The following TMEM184B variants were observed in gnomAD, a reference collection of about 807,000 sequenced individuals.
The protein encoded by TMEM184B is transmembrane protein 184B.
In TMEM184B, 17 loss-of-function variants were observed where a neutral mutation model predicts 41.8. The ratio of observed to expected loss-of-function variants is 0.41; its 90% CI spans 0.28 to 0.61. The LOEUF is 0.61. TMEM184B is among the 20% of genes least tolerant of loss of function. The pLI is 0.34. For missense variants in TMEM184B, 393 were observed against 557.8 expected (o/e 0.70, Z 2.98); for synonymous variants, 240 against 229.5 (o/e 1.05, Z -0.41).
intron 8 of TMEM184B, 30 bp from the exon 9 acceptor site, chr22:38,221,740 G>C (rs763660075): frequency 1.2e-6 from 2 of 1,609,652 alleles, no homozygotes; most frequent in Middle Eastern, 1.7e-4. Flanking sequence ...AGGGGCAGGT[G>C]AGGAGGCTGG....
chr22:38,219,099 T>C (rs1051488933), downstream of TMEM184B, among the ~76,000 whole-genome samples: 19 of 152,140 alleles, frequency 1.2e-4, no homozygotes, highest in African/African-American at 3.6e-4. Flanking sequence ...TGGCTGGAGG[T>C]TGGGGAGACC....
intron 3 of TMEM184B, among the ~76,000 whole-genome samples, chr22:38,238,237 T>C (rs1330240612): frequency 6.6e-6 from 1 of 150,898 alleles, no homozygotes; most frequent in Non-Finnish European, 1.5e-5. Flanking sequence ...CTTTTTTTTT[T>C]TTTTTTTTGA....
chr22:38,244,701 C>T (rs1480190406), intron 3 of TMEM184B, among the ~76,000 whole-genome samples: 1 of 152,224 alleles, frequency 6.6e-6, no homozygotes. Context: ...GGTGATCTGC[C>T]CGCCTCGGCC....
intron 3 of TMEM184B, 52 bp downstream of exon 3, chr22:38,245,883 T>TG: frequency 7.7e-5 from 99 of 1,288,676 alleles, no homozygotes; most frequent in Non-Finnish European, 9.2e-5. Context: ...GGACAGGGGC[T>TG]CCCAGCCCCC....
Position 38,226,876 on chromosome 22 carries a change from G to T in TMEM184B, c.526-6C>A. The stretch of plus-strand genomic sequence containing the variant: ...ACACAGAACTGCAGGGTGGCCTGTT[G>T]GGGGGAAAAGGAGGTTGAGTGTGGA... On this transcript the variant is annotated splice_polypyrimidine_tract_variant and splice_region_variant and intron_variant, in intron 5 of 8. Transcript: ENST00000361906. This position sits in a 1 kb window ranked among gnomAD's most constrained non-coding sequence, Gnocchi z 4.6. 1.3e-6 allele frequency: 2 copies of T among 1,579,992 alleles called. No individual in the cohort carries two copies. Among genetic ancestry groups the T allele is most frequent in the Non-Finnish European group, 1.7e-6 (2 of 1,163,024 alleles).
chr22:38,219,444 G>A lies in TMEM184B; in HGVS notation c.*2025C>T. 1 of 985,634 alleles carries A rather than the reference G, an allele frequency of 1.0e-6. No homozygotes were observed. The highest frequency in any genetic ancestry group is 1.2e-6 in the Non-Finnish European group (1 of 829,904). The allele number at this position is 985,634 out of a possible 1,614,324, so 61.1% of individuals were successfully genotyped here. A position where few individuals can be genotyped will look rare whatever the true frequency, so the allele number is the denominator to read the frequency against. On this transcript the variant is annotated 3_prime_UTR_variant, in exon 9 of 9. Transcript: ENST00000361906. ...GTCATACAACAAGATACAAAACTAGGAGACTCTGTCTTCTCATACATCATA... is the reference window on the plus strand; with the variant it reads ...GTCATACAACAAGATACAAAACTAGAAGACTCTGTCTTCTCATACATCATA...
At chr22:38,262,673 G>A (rs2092388435) in intron 1 of TMEM184B, among the ~76,000 whole-genome samples, 2 of 152,206 alleles carry the variant, frequency 1.3e-5, no homozygotes, top group African/African-American at 2.4e-5. Flanking sequence ...CAACAGCAGT[G>A]TGTCCAAGGG....
At position 38,264,273 on chromosome 22, in the gene TMEM184B, C is replaced by T. The variant is rs554287155; in HGVS notation, c.-59+8611G>A. 1.7e-3 allele frequency among the ~76,000 whole-genome samples: 258 copies of T among 152,334 alleles called. 1 individual carries two copies. The highest frequency in any genetic ancestry group is 5.8e-3 in the African/African-American group (243 of 41,580). On this transcript the variant is annotated intron_variant, in intron 1 of 8. Transcript: ENST00000361906. The stretch of plus-strand genomic sequence containing the variant: ...AGCTGTCAGTAAAAGGCTAGGCCCA[C>T]TTGGCCCCTTGACCCTTCTCAGGGC...
chr22:38,247,987 G>A lies in TMEM184B; in HGVS notation c.-26C>T. 1 of 1,543,428 alleles carries A rather than the reference G, an allele frequency of 6.5e-7. No homozygotes were observed. The highest frequency in any genetic ancestry group is 8.7e-7 in the Non-Finnish European group (1 of 1,150,404). ...GGTGCCTGGCAGCAGGAGGCTCCCT[G>A]AGGGAAACCTTTGCAGAAAGTGACA... is the stretch of plus-strand genomic sequence containing the variant. On this transcript the variant is annotated 5_prime_UTR_variant, in exon 2 of 9. Transcript: ENST00000361906.
At position 38,230,611 on chromosome 22, in the gene TMEM184B, G is replaced by C. The variant is rs943348714; in HGVS notation, c.525+58C>G. The C allele has an allele frequency of 2.6e-6, 4 of 1,559,506 alleles. No individual in the cohort carries two copies. The African/African-American group carries it at 5.4e-5, about 21-fold the overall frequency. On this transcript the variant is annotated intron_variant, in intron 5 of 8. Transcript: ENST00000361906. ...GTGGGGCCCAGGGCAGCCCACGGCA[G>C]GGCCTCCCAGACCCCGCCCTGCTCC...
intron 1 of TMEM184B, among the ~76,000 whole-genome samples, chr22:38,257,500 C>T (rs2092301489): frequency 6.6e-6 from 1 of 152,130 alleles, no homozygotes; most frequent in African/African-American, 2.4e-5. Flanking sequence ...CATTAAAACC[C>T]AGTCTCTAAA....
At chr22:38,217,820 G>A, downstream of TMEM184B, among the ~76,000 whole-genome samples, 1 of 106,030 alleles carries the variant, frequency 9.4e-6, no homozygotes, top group African/African-American at 3.6e-5. Context: ...GACAGAGCAA[G>A]ACTCCATCTC....
chr22:38,263,878 C>G (rs2092406848), intron 1 of TMEM184B, among the ~76,000 whole-genome samples: 1 of 152,220 alleles, frequency 6.6e-6, no homozygotes, highest in South Asian at 2.1e-4. Flanking sequence ...AATCTCAGCT[C>G]ACTGCAATCT....
At chr22:38,236,135 T>G (rs547250053) in intron 3 of TMEM184B, among the ~76,000 whole-genome samples, 1 of 152,336 alleles carries the variant, frequency 6.6e-6, no homozygotes, top group South Asian at 2.1e-4. Context: ...CTGGAGGGTT[T>G]TGTCTTTGGA....
rs1307858590 is a variant in TMEM184B at position 38,221,544 on chromosome 22, G to T, written c.1149C>A (p.Leu383=). The T allele has an allele frequency of 6.2e-7, 1 of 1,613,908 alleles. No individual in the cohort carries two copies. The highest frequency in any genetic ancestry group is 8.5e-7 in the Non-Finnish European group (1 of 1,179,970). ...GPTWRGGAHG[L]SRSHSLSGAR... ...CGCCACTGAGGCTGTGGGAGCGGGAGAGGCCGTGGGCGCCACCACGCCAGG... is the reference window on the plus strand; with the variant it reads ...CGCCACTGAGGCTGTGGGAGCGGGATAGGCCGTGGGCGCCACCACGCCAGG... The change falls in exon 9 of 9, where the codon CTC becomes CTA. Residue 383 remains leucine, a synonymous_variant. Coordinates refer to ENST00000361906, the MANE Select transcript of TMEM184B (RefSeq NM_012264.5).
At chr22:38,217,083 T>G (rs1252186403), downstream of TMEM184B, among the ~76,000 whole-genome samples, 1 of 151,952 alleles carries the variant, frequency 6.6e-6, no homozygotes, top group Non-Finnish European at 1.5e-5. Context: ...TCCCAGCACT[T>G]TGGGAGGCTG....
intron 1 of TMEM184B, among the ~76,000 whole-genome samples, chr22:38,253,236 G>A (rs1032855533): frequency 6.6e-6 from 1 of 152,124 alleles, no homozygotes; most frequent in African/African-American, 2.4e-5. Context: ...CTACACATTC[G>A]AGGCTAACCT....
chr22:38,231,983 T>C (rs918072186), intron 3 of TMEM184B: 28 of 165,982 alleles, frequency 1.7e-4, no homozygotes, highest in Admixed American at 1.3e-3. Flanking sequence ...CTGGGCAACA[T>C]AGCGAGACCT....
chr22:38,222,043 A>G (rs1374019094), intron 8 of TMEM184B: 3 of 358,972 alleles, frequency 8.4e-6, no homozygotes, highest in Non-Finnish European at 1.6e-5. Context: ...GAGAGGCCAG[A>G]GCAGGCTCAG....
Sources: allele counts gnomAD v4.1 joint callset (sites outside exome capture counted in the v4.1 genomes callset), GRCh38; gene constraint gnomAD v4.1.1; non-coding constraint Gnocchi (gnomAD v3.1); transcripts MANE v1.5; gene names NCBI Gene and HGNC (gene_info 2026-07-23, HGNC 2026-07-21).